ABCA8: variants seen among roughly 807,000 people sequenced by gnomAD.
ABCA8 encodes the protein ABC-type organic anion transporter ABCA8.
A neutral mutation model predicts 192.3 loss-of-function variants in ABCA8; 177 were observed. The observed-to-expected ratio is 0.92, with a 90% CI of 0.81 to 1.04. The LOEUF (loss-of-function observed/expected upper bound fraction) is 1.04, where lower values mean the gene tolerates loss of function less well. Among genes scored for constraint, ABCA8 ranks in the 50% least tolerant of loss-of-function variants. ABCA8 has a pLI of 0.00. For synonymous variants in ABCA8, 642 were observed against 690.2 expected, an observed-to-expected ratio of 0.93 and a Z score of 1.09; for missense variants, 1,915 against 1,904.8, an observed-to-expected ratio of 1.01 and a Z score of -0.10.
chr17:68,955,148 A>C (rs1386214576), intron 1 of ABCA8, 71 bp downstream of exon 1: 2 of 152,222 alleles, frequency 1.3e-5, no homozygotes, highest in Non-Finnish European at 2.9e-5. Context: ...AAGAAAAGAC[A>C]AAACCTCTGA....
intron 17 of ABCA8, among the ~76,000 whole-genome samples, chr17:68,913,557 A>G (rs2067275828): frequency 6.6e-6 from 1 of 152,104 alleles, no homozygotes; most frequent in Admixed American, 6.5e-5. Flanking sequence ...GAGAAATAAC[A>G]ACTGATACTG....
chr17:68,880,482 TG>T (rs2066309033), intron 32 of ABCA8, among the ~76,000 whole-genome samples: 1 of 151,996 alleles, frequency 6.6e-6, no homozygotes, highest in Non-Finnish European at 1.5e-5. Flanking sequence ...TTGCAGGCAA[TG>T]AGAAGCAGAG....
At chr17:68,879,934 G>A (rs144197315) in intron 32 of ABCA8, 1 of 152,346 alleles carries the variant, frequency 6.6e-6, no homozygotes, top group Non-Finnish European at 1.5e-5. Flanking sequence ...TGCCATAGAT[G>A]GCATGTTGAT....
intron 5 of ABCA8, among the ~76,000 whole-genome samples, chr17:68,933,933 C>T (rs2143714907): frequency 6.6e-6 from 1 of 152,144 alleles, no homozygotes; most frequent in African/African-American, 2.4e-5. Context: ...ACAATAAACA[C>T]GCATGGACTC....
At chr17:68,953,116 G>C (rs1019032783) in intron 1 of ABCA8, among the ~76,000 whole-genome samples, 1 of 152,114 alleles carries the variant, frequency 6.6e-6, no homozygotes, top group African/African-American at 2.4e-5. Context: ...TCTTTGCCGT[G>C]GGAGAAAACA....
intron 20 of ABCA8, 55 bp from the exon 21 acceptor site, chr17:68,902,934 T>G: frequency 6.9e-7 from 1 of 1,442,512 alleles, no homozygotes. Flanking sequence ...GATCTAATAC[T>G]CTCTGAGCAG....
intron 37 of ABCA8, among the ~76,000 whole-genome samples, chr17:68,870,500 A>G (rs757585491): frequency 6.6e-6 from 1 of 152,206 alleles, no homozygotes; most frequent in African/African-American, 2.4e-5. Flanking sequence ...TTTTACATCT[A>G]TGATGAGTAA....
At chr17:68,869,318 T>C (rs2065989605) in intron 38 of ABCA8, among the ~76,000 whole-genome samples, 1 of 152,146 alleles carries the variant, frequency 6.6e-6, no homozygotes, top group African/African-American at 2.4e-5. Context: ...AGTTTCTTAA[T>C]ATACAGGCTA....
At chr17:68,906,804 G>A (rs1279619815) in intron 18 of ABCA8, among the ~76,000 whole-genome samples, 5 of 152,006 alleles carry the variant, frequency 3.3e-5, no homozygotes, top group African/African-American at 4.8e-5. Context: ...TCTTTAGTTC[G>A]TTCACCAAAA....
At chr17:68,953,039 A>C (rs1403978120) in intron 1 of ABCA8, among the ~76,000 whole-genome samples, 1 of 152,200 alleles carries the variant, frequency 6.6e-6, no homozygotes, top group African/African-American at 2.4e-5. Flanking sequence ...TCAATCAACC[A>C]CTGCTACACA....
intron 14 of ABCA8, 116 bp from the exon 15 acceptor site, chr17:68,918,662 G>T: frequency 1.9e-6 from 2 of 1,068,794 alleles, no homozygotes; most frequent in Non-Finnish European, 2.5e-6. Context: ...GGTCAGGCGC[G>T]GTGGCTCATA....
intron 17 of ABCA8, among the ~76,000 whole-genome samples, chr17:68,913,779 CA>C (rs1476231454): frequency 6.6e-6 from 1 of 151,952 alleles, no homozygotes; most frequent in Non-Finnish European, 1.5e-5. Context: ...TGAATTCTAC[CA>C]AATACTTAAA....
At chr17:68,873,857 A>G (rs527331043) in intron 37 of ABCA8, among the ~76,000 whole-genome samples, 1 of 152,242 alleles carries the variant, frequency 6.6e-6, no homozygotes, top group South Asian at 2.1e-4. Flanking sequence ...TCAGTTGGCC[A>G]TATATTCAGG....
At position 68,887,069 on chromosome 17, in the gene ABCA8, A is replaced by G. The variant is rs1221694357; in HGVS notation, c.3377T>C (p.Ile1126Thr). The change falls in exon 26 of 40, where the codon ATC becomes ACC. Residue 1126 changes from isoleucine (I) to threonine (T), a missense_variant. Physicochemically the swap from Ile to Thr is moderately conservative, Grantham distance 89 (BLOSUM62 -1). Coordinates refer to ENST00000586539, the MANE Select transcript of ABCA8 (RefSeq NM_001288985.2). ...ACTATTTTTTCTCCCCTTGCGAAAG[A>G]TGAAGGAAATCACGTATGTCATGAA... is the stretch of plus-strand genomic sequence containing the variant. ...LIFMTYVISF[I>T]FRKGRKNSGI... is the part of the protein sequence containing the mutation. The G allele has an allele frequency of 1.2e-6, 2 of 1,613,318 alleles. No homozygotes were observed. Among genetic ancestry groups the G allele is most frequent in the African/African-American group, 2.7e-5 (2 of 75,006 alleles).
chr17:68,887,653 A>G, intron 24 of ABCA8, 147 bp from the exon 25 acceptor site: 1 of 638,112 alleles, frequency 1.6e-6, no homozygotes, highest in South Asian at 3.3e-5. Context: ...GATAGTTACA[A>G]ACATAAATAA....
At chr17:68,936,843 T>C in intron 5 of ABCA8, 108 bp downstream of exon 5, 1 of 1,002,408 alleles carries the variant, frequency 1.0e-6, no homozygotes, top group East Asian at 2.7e-5. Context: ...CATACATCAT[T>C]ATGACAGATA....
At chr17:68,922,196 T>TC in intron 12 of ABCA8, 46 bp downstream of exon 12, 1 of 29,774 alleles carries the variant, frequency 3.4e-5, no homozygotes, top group Non-Finnish European at 6.3e-5. Context: ...CTCTCTCTCT[T>TC]TTTTTTTTTT....
intron 9 of ABCA8, among the ~76,000 whole-genome samples, chr17:68,928,844 T>C (rs1285736659): frequency 1.3e-5 from 2 of 152,226 alleles, no homozygotes; most frequent in African/African-American, 4.8e-5. Context: ...ATGTTGATCC[T>C]CTTTTTTTCA....
chr17:68,905,286 G>GA (rs2067035597), intron 19 of ABCA8, among the ~76,000 whole-genome samples: 1 of 151,476 alleles, frequency 6.6e-6, no homozygotes, highest in Admixed American at 6.6e-5. Context: ...TAGGGAAGAG[G>GA]AAAAAAAATC....
Sources: gnomAD v4.1 joint callset for allele counts (sites outside exome capture counted in the v4.1 genomes callset) on GRCh38, gnomAD v4.1.1 for gene constraint, MANE v1.5 for transcripts, NCBI Gene and HGNC (gene_info 2026-07-23, HGNC 2026-07-21) for gene names.